The following STRBP variants were observed in gnomAD, a reference collection of about 807,000 sequenced individuals.
STRBP encodes the protein spermatid perinuclear RNA-binding protein.
STRBP carries 13 observed loss-of-function variants against 80.1 expected under a neutral mutation model. The ratio of observed to expected loss-of-function variants is 0.16; its 90% CI spans 0.11 to 0.26. The LOEUF (loss-of-function observed/expected upper bound fraction) is 0.26. STRBP is among the 10% of genes least tolerant of loss of function. STRBP has a pLI of 1.00. For synonymous variants in STRBP, 284 were observed against 291.2 expected (o/e 0.98, Z 0.25); for missense variants, 485 against 815.2 (o/e 0.59, Z 4.93).
At chr9:123,246,013 G>A (rs1385149453) in intron 1 of STRBP, among the ~76,000 whole-genome samples, 2 of 152,138 alleles carry the variant, frequency 1.3e-5, no homozygotes, top group Admixed American at 1.3e-4. Context: ...AAATTGAATG[G>A]TAGGTTCACC....
intron 3 of STRBP, among the ~76,000 whole-genome samples, chr9:123,179,692 C>T (rs752521280): frequency 2.0e-5 from 3 of 151,552 alleles, no homozygotes; most frequent in African/African-American, 7.3e-5. Flanking sequence ...TGCAGTGAGC[C>T]GAGATCACAC....
chr9:123,160,570 G>T, intron 7 of STRBP, 108 bp from the exon 8 acceptor site: 2 of 589,464 alleles, frequency 3.4e-6, no homozygotes, highest in Non-Finnish European at 4.6e-6. Flanking sequence ...CAGTTATCAG[G>T]CAAACAAAAA....
chr9:123,263,205 T>C (rs2041194007), intron 1 of STRBP, among the ~76,000 whole-genome samples: 2 of 152,124 alleles, frequency 1.3e-5, no homozygotes, highest in African/African-American at 2.4e-5. Flanking sequence ...GTAGATCACG[T>C]AGCAAAGAAA....
intron 1 of STRBP, among the ~76,000 whole-genome samples, chr9:123,260,942 A>C (rs537436708): frequency 3.9e-5 from 6 of 152,242 alleles, no homozygotes; most frequent in Non-Finnish European, 7.3e-5. Context: ...TTCCAAAAAA[A>C]GAAAATATGC....
chr9:123,214,358 G>A (rs1422252269), intron 2 of STRBP, among the ~76,000 whole-genome samples: 2 of 152,094 alleles, frequency 1.3e-5, no homozygotes, highest in South Asian at 2.1e-4. Flanking sequence ...AAGAATGATG[G>A]GTGGTGAGGG....
At chr9:123,150,496 G>A (rs1299930088) in intron 11 of STRBP, among the ~76,000 whole-genome samples, 1 of 152,164 alleles carries the variant, frequency 6.6e-6, no homozygotes, top group African/African-American at 2.4e-5. Context: ...GAGTCCAGGA[G>A]TTTGAGGTTA....
intron 2 of STRBP, among the ~76,000 whole-genome samples, chr9:123,191,450 A>T (rs1166069423): frequency 6.6e-6 from 1 of 152,166 alleles, no homozygotes; most frequent in Non-Finnish European, 1.5e-5. Context: ...TGAGGGGATC[A>T]GACCATATAT....
intron 16 of STRBP, among the ~76,000 whole-genome samples, chr9:123,133,707 T>C (rs2036239257): frequency 1.3e-5 from 2 of 152,054 alleles, no homozygotes; most frequent in Non-Finnish European, 2.9e-5. Flanking sequence ...ACCTGGCTAA[T>C]TTTCGTATTT....
At chr9:123,255,569 C>G (rs901479631) in intron 1 of STRBP, among the ~76,000 whole-genome samples, 1 of 152,142 alleles carries the variant, frequency 6.6e-6, no homozygotes, top group Admixed American at 6.5e-5. Context: ...ACCAGAGCAA[C>G]TTATCTAACA....
chr9:123,255,603 A>C (rs1363860314), intron 1 of STRBP, among the ~76,000 whole-genome samples: 1 of 152,210 alleles, frequency 6.6e-6, no homozygotes, highest in African/African-American at 2.4e-5. Flanking sequence ...GGGTTGAGCT[A>C]CTTACAGATG....
chr9:123,234,187 C>T (rs1373085288), intron 2 of STRBP, among the ~76,000 whole-genome samples: 2 of 135,454 alleles, frequency 1.5e-5, no homozygotes, highest in African/African-American at 2.8e-5. Context: ...GGCGACAGAG[C>T]GAGACGCCGT....
chr9:123,192,514 C>G (rs2038958829), intron 2 of STRBP, among the ~76,000 whole-genome samples: 1 of 152,112 alleles, frequency 6.6e-6, no homozygotes, highest in Admixed American at 6.5e-5. Context: ...GTAGGAGGAT[C>G]ATTTGAGCTC....
downstream of STRBP, among the ~76,000 whole-genome samples, chr9:123,117,952 G>A (rs897581247): frequency 2.0e-5 from 3 of 152,092 alleles, no homozygotes; most frequent in African/African-American, 4.8e-5. Context: ...ATGTTAAATC[G>A]TTCTTCACAA....
intron 1 of STRBP, among the ~76,000 whole-genome samples, chr9:123,238,598 A>G (rs2040621873): frequency 6.6e-6 from 1 of 152,176 alleles, no homozygotes; most frequent in Non-Finnish European, 1.5e-5. Flanking sequence ...CTGTACAGGA[A>G]CTCTGACAGC....
At chr9:123,114,202 A>G (rs991988173) in intron 3 of STRBP, 4 of 167,128 alleles carry the variant, frequency 2.4e-5, no homozygotes, top group African/African-American at 7.2e-5. Flanking sequence ...ACAGGTGCAG[A>G]AACCCATGCT....
chr9:123,128,160 T>C, intron 18 of STRBP, 54 bp downstream of exon 18: 1 of 1,599,444 alleles, frequency 6.3e-7, no homozygotes, highest in Non-Finnish European at 8.6e-7. Context: ...AAACTGTGCT[T>C]TGGATTGCTG....
At chr9:123,197,308 T>A (rs1277231095) in intron 2 of STRBP, among the ~76,000 whole-genome samples, 1 of 152,144 alleles carries the variant, frequency 6.6e-6, no homozygotes, top group African/African-American at 2.4e-5. Flanking sequence ...AGGAAAACAA[T>A]CTAGTATTTG....
At chr9:123,156,431 A>G (rs1471355645) in intron 11 of STRBP, among the ~76,000 whole-genome samples, 1 of 152,018 alleles carries the variant, frequency 6.6e-6, no homozygotes, top group East Asian at 1.9e-4. Context: ...AGTGTGAGGC[A>G]CTGATTCTCA....
chr9:123,161,081 T>G lies in STRBP; in HGVS notation c.536-13A>C. 6.3e-7 allele frequency: 1 copy of G among 1,579,886 alleles called. No individual in the cohort carries two copies. Among genetic ancestry groups the G allele is most frequent in the Non-Finnish European group, 8.6e-7 (1 of 1,159,322 alleles). On this transcript the variant is annotated splice_polypyrimidine_tract_variant and intron_variant, in intron 6 of 18. Transcript: ENST00000348403. Reference sequence around the variant, plus strand: ...ATCGAAACATTTTCTAACAGTAAAATGGGATAAAGAGAGACAAATACAATT... The same window carrying G: ...ATCGAAACATTTTCTAACAGTAAAAGGGGATAAAGAGAGACAAATACAATT...
Sources: gnomAD v4.1 joint callset for allele counts (sites outside exome capture counted in the v4.1 genomes callset) on GRCh38, gnomAD v4.1.1 for gene constraint, MANE v1.5 for transcripts, NCBI Gene and HGNC (gene_info 2026-07-23, HGNC 2026-07-21) for gene names.